Variants in KLF8 observed in about 807,000 individuals in gnomAD.
KLF8 encodes the protein Krueppel-like factor 8.
In KLF8, 10 loss-of-function variants were observed where a neutral mutation model predicts 18.2. That is an observed-to-expected ratio of 0.55 (90% confidence interval 0.34 to 0.93). The LOEUF (loss-of-function observed/expected upper bound fraction) is 0.93, where lower values mean the gene tolerates loss of function less well. Among genes scored for constraint, KLF8 ranks in the 40% least tolerant of loss-of-function variants. The probability of loss-of-function intolerance (pLI) is 0.02; values close to 1 mark genes in which losing one functional copy is unlikely to be tolerated. For synonymous variants in KLF8, 109 were observed against 97.3 expected, an observed-to-expected ratio of 1.12 and a Z score of -0.71; for missense variants, 264 against 277.9, an observed-to-expected ratio of 0.95 and a Z score of 0.36.
chrX:56,166,876 C>T, the KLF8 span, among the ~76,000 whole-genome samples: 1 of 111,345 alleles, frequency 9.0e-6, no homozygotes, highest in African/African-American at 3.3e-5. Flanking sequence ...GTGACAATTG[C>T]CAGGCTTTAA....
chrX:56,042,722 T>C, the KLF8 span, among the ~76,000 whole-genome samples: 3 of 111,847 alleles, frequency 2.7e-5, no homozygotes, highest in Admixed American at 2.9e-4. Flanking sequence ...ATTTTGAGCC[T>C]ATGTGTGTGT....
At chrX:56,005,038 T>G in the KLF8 span, among the ~76,000 whole-genome samples, 110 of 92,927 alleles carry the variant, frequency 1.2e-3, 2 homozygotes, top group East Asian at 0.013. Context: ...TGATTATTAT[T>G]ATTATTATTA....
chrX:55,996,439 C>A, the KLF8 span, among the ~76,000 whole-genome samples: 1 of 111,889 alleles, frequency 8.9e-6, no homozygotes, highest in African/African-American at 3.3e-5. Context: ...CAAACACTGT[C>A]TTTTTGAGTC....
chrX:55,980,103 A>T, the KLF8 span, among the ~76,000 whole-genome samples: 1 of 111,954 alleles, frequency 8.9e-6, no homozygotes, highest in Non-Finnish European at 1.9e-5. Context: ...GAGGCTTTGA[A>T]TGGGCTGATG....
chrX:56,116,230 G>A, the KLF8 span, among the ~76,000 whole-genome samples: 1 of 112,893 alleles, frequency 8.9e-6, no homozygotes, highest in Non-Finnish European at 1.9e-5. Flanking sequence ...ATATGGAGCT[G>A]TACCTGGCAG....
At chrX:56,155,720 T>C in the KLF8 span, among the ~76,000 whole-genome samples, 1 of 111,831 alleles carries the variant, frequency 8.9e-6, no homozygotes, top group Non-Finnish European at 1.9e-5. Context: ...TACATTAGAA[T>C]ATTTCATGAT....
chrX:55,969,357 G>A, the KLF8 span, among the ~76,000 whole-genome samples: 4 of 111,415 alleles, frequency 3.6e-5, no homozygotes, highest in Non-Finnish European at 1.9e-5. Flanking sequence ...ATGACCAGTG[G>A]GTCAAAGATG....
At chrX:56,094,438 A>G in the KLF8 span, among the ~76,000 whole-genome samples, 1 of 111,293 alleles carries the variant, frequency 9.0e-6, no homozygotes, top group African/African-American at 3.2e-5. Flanking sequence ...TATGTACTTA[A>G]CAACACAGTG....
the KLF8 span, among the ~76,000 whole-genome samples, chrX:56,106,017 C>A: frequency 9.0e-6 from 1 of 111,626 alleles, no homozygotes. Flanking sequence ...GTTGAAAATT[C>A]TTTTCTTTAA....
At chrX:56,027,751 C>CT in the KLF8 span, among the ~76,000 whole-genome samples, 1 of 112,585 alleles carries the variant, frequency 8.9e-6, no homozygotes, top group Non-Finnish European at 1.9e-5. Context: ...CTAGAATAGA[C>CT]TGAGTCCAAC....
At chrX:56,172,249 C>T in the KLF8 span, among the ~76,000 whole-genome samples, 2 of 110,492 alleles carry the variant, frequency 1.8e-5, no homozygotes, top group African/African-American at 3.3e-5. Flanking sequence ...TAATGCTATC[C>T]CTCTCCTTTC....
At chrX:56,019,701 G>A in the KLF8 span, among the ~76,000 whole-genome samples, 1 of 111,930 alleles carries the variant, frequency 8.9e-6, no homozygotes, top group African/African-American at 3.2e-5. Flanking sequence ...AGTAATAGTA[G>A]ACTTTAATGG....
At chrX:56,221,957 C>T in the KLF8 span, among the ~76,000 whole-genome samples, 26 of 111,278 alleles carry the variant, frequency 2.3e-4, no homozygotes, top group Non-Finnish European at 4.1e-4. Flanking sequence ...TACAGGGAGC[C>T]GATTGGTCCG....
At chrX:56,253,623 T>C (rs1329049656) in intron 2 of KLF8, among the ~76,000 whole-genome samples, 2 of 111,059 alleles carry the variant, frequency 1.8e-5, no homozygotes, top group Non-Finnish European at 3.8e-5. Context: ...CTCTATAGTA[T>C]AACTTGAAGT....
chrX:56,169,575 T>G, the KLF8 span, among the ~76,000 whole-genome samples: 29 of 111,215 alleles, frequency 2.6e-4, no homozygotes, highest in Non-Finnish European at 5.7e-5. Context: ...CCTGTGATGG[T>G]GGTAGCCATG....
chrX:56,121,985 G>T, the KLF8 span, among the ~76,000 whole-genome samples: 3 of 111,546 alleles, frequency 2.7e-5, no homozygotes, highest in African/African-American at 9.8e-5. Context: ...AACATGTTTT[G>T]AGTAAAATTT....
At chrX:56,053,365 C>T in the KLF8 span, among the ~76,000 whole-genome samples, 1 of 111,517 alleles carries the variant, frequency 9.0e-6, no homozygotes, top group Non-Finnish European at 1.9e-5. Flanking sequence ...ATAAAATGTA[C>T]TTGATCTTGG....
chrX:55,923,630 C>G, the KLF8 span, among the ~76,000 whole-genome samples: 3 of 111,240 alleles, frequency 2.7e-5, no homozygotes, highest in Non-Finnish European at 5.7e-5. Flanking sequence ...AAACCTCATT[C>G]ACAGTTACCG....
the KLF8 span, among the ~76,000 whole-genome samples, chrX:56,079,317 A>G: frequency 9.1e-6 from 1 of 110,252 alleles, no homozygotes; most frequent in African/African-American, 3.3e-5. Flanking sequence ...CTTTGAATGC[A>G]TCCCAGAGAT....
Sources: gnomAD v4.1 joint callset for allele counts (sites outside exome capture counted in the v4.1 genomes callset) on GRCh38, gnomAD v4.1.1 for gene constraint, MANE v1.5 for transcripts, NCBI Gene and HGNC (gene_info 2026-07-23, HGNC 2026-07-21) for gene names.